CORO2A: variants seen among roughly 807,000 people sequenced by gnomAD.
CORO2A encodes coronin 2A, also known as coronin-2A.
CORO2A carries 47 observed loss-of-function variants against 62.4 expected under a neutral mutation model. The observed-to-expected ratio is 0.75, with a 90% CI of 0.60 to 0.96. The LOEUF (loss-of-function observed/expected upper bound fraction) is 0.96. Ranked by LOEUF, CORO2A falls within the 40% of genes least tolerant of loss-of-function variation. CORO2A has a pLI of 0.00. For synonymous variants in CORO2A, 273 were observed against 268.9 expected (o/e 1.02, Z -0.15); for missense variants, 610 against 684.1 (o/e 0.89, Z 1.21).
At chr9:98,128,771 T>A (rs1827365258) in intron 8 of CORO2A, 52 bp from the exon 9 acceptor site, 1 of 1,487,844 alleles carries the variant, frequency 6.7e-7, no homozygotes. Flanking sequence ...GGGGCCACAG[T>A]GTTAGGGCCA....
intron 6 of CORO2A, among the ~76,000 whole-genome samples, chr9:98,131,266 C>T (rs931441418): frequency 2.0e-5 from 3 of 151,736 alleles, no homozygotes; most frequent in African/African-American, 7.3e-5. Flanking sequence ...GTGGAGATGA[C>T]ATCTTAAAGG....
intron 8 of CORO2A, 136 bp downstream of exon 8, chr9:98,129,658 G>C: frequency 1.4e-6 from 1 of 702,042 alleles, no homozygotes; most frequent in Non-Finnish European, 2.6e-6. Flanking sequence ...TCAGAGTGTT[G>C]CTATGCTGTC....
intron 2 of CORO2A, among the ~76,000 whole-genome samples, chr9:98,152,972 T>C (rs1827747336): frequency 6.6e-6 from 1 of 152,240 alleles, no homozygotes; most frequent in African/African-American, 2.4e-5. Flanking sequence ...TTGGGTTGTA[T>C]ATTATAATTA....
chr9:98,135,033 G>T, intron 3 of CORO2A, 78 bp from the exon 4 acceptor site: 1 of 1,546,134 alleles, frequency 6.5e-7, no homozygotes, highest in Non-Finnish European at 8.7e-7. Flanking sequence ...CACAGATCTG[G>T]CAGTGACCAG....
intron 1 of CORO2A, among the ~76,000 whole-genome samples, chr9:98,164,317 C>T (rs1297260124): frequency 6.6e-6 from 1 of 152,242 alleles, no homozygotes; most frequent in Non-Finnish European, 1.5e-5. Context: ...CACCTGGACT[C>T]CAATCCCTGA....
intron 10 of CORO2A, among the ~76,000 whole-genome samples, chr9:98,127,686 T>A (rs1827345341): frequency 6.6e-6 from 1 of 151,780 alleles, no homozygotes; most frequent in African/African-American, 2.4e-5. Context: ...TGGTGGCACG[T>A]GCCTGTAGTC....
At position 98,132,223 on chromosome 9, in the gene CORO2A, A is replaced by T. The variant is rs1827418583; in HGVS notation, c.727T>A (p.Ser243Thr). 6.2e-7 allele frequency: 1 copy of T among 1,614,050 alleles called. No individual in the cohort carries two copies. Among genetic ancestry groups the T allele is most frequent in the Non-Finnish European group, 8.5e-7 (1 of 1,180,028 alleles). Residue 243 changes from serine (S) to threonine (T), a missense_variant, in exon 6 of 12, where the codon TCC becomes ACC. Physicochemically the swap from Ser to Thr is moderately conservative, Grantham distance 58. Coordinates refer to ENST00000375077, the MANE Select transcript of CORO2A (RefSeq NM_052820.4). ...GCCACCTGCCGGTTGTTCCATCGGG[A>T]TGTGCCTGTGGACATCAGCTTCTTC... ...NLKKLMSTGTSRWNNRQVALW... is the reference protein window; with the variant it reads ...NLKKLMSTGTTRWNNRQVALW...
intron 2 of CORO2A, among the ~76,000 whole-genome samples, chr9:98,142,728 C>T (rs1400323657): frequency 6.6e-6 from 1 of 151,488 alleles, no homozygotes; most frequent in Non-Finnish European, 1.5e-5. Context: ...GGGCCTAGCC[C>T]TAGACAGCTT....
At chr9:98,163,752 G>T (rs1302759613) in intron 1 of CORO2A, among the ~76,000 whole-genome samples, 1 of 147,152 alleles carries the variant, frequency 6.8e-6, no homozygotes, top group Non-Finnish European at 1.5e-5. Flanking sequence ...GAGAGAGAGA[G>T]AGAGAGAGAG....
At chr9:98,178,743 A>T (rs530393868) in intron 1 of CORO2A, among the ~76,000 whole-genome samples, 5 of 152,260 alleles carry the variant, frequency 3.3e-5, no homozygotes, top group African/African-American at 1.2e-4. Flanking sequence ...TCTTTGTTCT[A>T]TTTGTTTAGA....
intron 2 of CORO2A, among the ~76,000 whole-genome samples, chr9:98,155,769 T>C (rs1467026671): frequency 1.3e-5 from 2 of 152,204 alleles, no homozygotes; most frequent in Non-Finnish European, 2.9e-5. Context: ...ATTGTTAATG[T>C]TCTCAAATTT....
chr9:98,129,749 G>A (rs372192509), intron 8 of CORO2A, 45 bp downstream of exon 8: 40 of 1,479,812 alleles, frequency 2.7e-5, no homozygotes, highest in Admixed American at 1.0e-4. Flanking sequence ...TCGGCCTCCC[G>A]AAGTGCTGGG....
At chr9:98,164,158 G>A (rs921223369) in intron 1 of CORO2A, among the ~76,000 whole-genome samples, 1 of 152,200 alleles carries the variant, frequency 6.6e-6, no homozygotes, top group African/African-American at 2.4e-5. Flanking sequence ...CACAGCCACA[G>A]TTAGGGAAGA....
chr9:98,157,116 T>A (rs980196281), intron 2 of CORO2A, among the ~76,000 whole-genome samples: 9 of 152,198 alleles, frequency 5.9e-5, no homozygotes, highest in Non-Finnish European at 1.3e-4. Context: ...TTTCCCTTTT[T>A]TTGGTGGGGA....
At chr9:98,172,272 C>A (rs1299220458) in intron 1 of CORO2A, among the ~76,000 whole-genome samples, 2 of 147,484 alleles carry the variant, frequency 1.4e-5, no homozygotes, top group Non-Finnish European at 3.0e-5. Context: ...TCCCACACCC[C>A]ACTTCTGAGC....
intron 2 of CORO2A, among the ~76,000 whole-genome samples, chr9:98,138,751 TG>T (rs1827524834): frequency 6.6e-6 from 1 of 152,042 alleles, no homozygotes; most frequent in African/African-American, 2.4e-5. Flanking sequence ...GTAATGCATA[TG>T]AAAAATGCAG....
intron 1 of CORO2A, among the ~76,000 whole-genome samples, chr9:98,181,929 T>C (rs368806843): frequency 6.6e-6 from 1 of 152,214 alleles, no homozygotes; most frequent in African/African-American, 2.4e-5. Flanking sequence ...CTATGGCCTC[T>C]CTGAGACTCA....
At chr9:98,146,627 C>T (rs1031516565) in intron 2 of CORO2A, among the ~76,000 whole-genome samples, 6 of 152,224 alleles carry the variant, frequency 3.9e-5, no homozygotes, top group African/African-American at 7.2e-5. Flanking sequence ...TGGCACAGAA[C>T]GTAATCCTGG....
At chr9:98,177,457 G>GTTTTTTTT (rs1174402008) in intron 1 of CORO2A, among the ~76,000 whole-genome samples, 14 of 98,308 alleles carry the variant, frequency 1.4e-4, no homozygotes, top group African/African-American at 4.8e-4. Flanking sequence ...TCCAAACTTT[G>GTTTTTTTT]TTTTTTTTTT....
Sources: allele counts gnomAD v4.1 joint callset (sites outside exome capture counted in the v4.1 genomes callset), GRCh38; gene constraint gnomAD v4.1.1; transcripts MANE v1.5; gene names NCBI Gene and HGNC (gene_info 2026-07-23, HGNC 2026-07-21).